MYT1L: variants seen among roughly 807,000 people sequenced by gnomAD.
MYT1L encodes myelin transcription factor 1-like protein.
Under a neutral mutation model 126.7 loss-of-function variants are expected in MYT1L, and 12 were observed. The ratio of observed to expected loss-of-function variants is 0.09; its 90% CI spans 0.06 to 0.15. The LOEUF is 0.15. Ranked by LOEUF, MYT1L falls within the 10% of genes least tolerant of loss-of-function variation. The pLI is 1.00. For synonymous variants in MYT1L, 541 were observed against 604.2 expected, an observed-to-expected ratio of 0.90 and a Z score of 1.53; for missense variants, 979 against 1,585.2, an observed-to-expected ratio of 0.62 and a Z score of 6.49.
intron 3 of MYT1L, among the ~76,000 whole-genome samples, chr2:2,090,778 C>A (rs2076838018): frequency 6.6e-6 from 1 of 152,178 alleles, no homozygotes; most frequent in Admixed American, 6.5e-5. Flanking sequence ...GCTGCTTTAT[C>A]AACTGGGCTT....
intron 23 of MYT1L, among the ~76,000 whole-genome samples, chr2:1,798,420 G>A (rs1341240971): frequency 6.6e-6 from 1 of 152,234 alleles, no homozygotes; most frequent in African/African-American, 2.4e-5. Flanking sequence ...CCTGAGCACT[G>A]ACCCTACCGT....
chr2:2,111,030 G>A (rs1026639553), intron 3 of MYT1L, among the ~76,000 whole-genome samples: 2 of 152,188 alleles, frequency 1.3e-5, no homozygotes, highest in African/African-American at 4.8e-5. Context: ...CGCGGCCCTG[G>A]AGCCATTTCC....
intron 18 of MYT1L, among the ~76,000 whole-genome samples, chr2:1,866,203 G>T (rs539810461): frequency 1.3e-5 from 2 of 152,234 alleles, no homozygotes; most frequent in South Asian, 4.1e-4. Context: ...TGGCCAAGGG[G>T]ATCTTTTTTA....
At chr2:1,942,527 G>A (rs1408489478) in intron 9 of MYT1L, among the ~76,000 whole-genome samples, 1 of 152,210 alleles carries the variant, frequency 6.6e-6, no homozygotes, top group Non-Finnish European at 1.5e-5. Flanking sequence ...CACTTTGCTG[G>A]TTGATGTACC....
At chr2:1,918,174 AT>A (rs1358950465) in intron 10 of MYT1L, among the ~76,000 whole-genome samples, 1 of 152,212 alleles carries the variant, frequency 6.6e-6, no homozygotes, top group Non-Finnish European at 1.5e-5. Flanking sequence ...TTAAAAAAAA[AT>A]TCAATACTAG....
intron 9 of MYT1L, 146 bp from the exon 10 acceptor site, chr2:1,923,409 T>C: frequency 1.4e-6 from 1 of 718,426 alleles, no homozygotes; most frequent in Non-Finnish European, 2.2e-6. Flanking sequence ...CATTTGCAGC[T>C]GGGTTGAAAA....
chr2:2,174,974 C>A (rs1178227177), intron 2 of MYT1L, among the ~76,000 whole-genome samples: 1 of 152,076 alleles, frequency 6.6e-6, no homozygotes, highest in Non-Finnish European at 1.5e-5. Flanking sequence ...TGATATGAAT[C>A]CCCAGGCAGC....
intron 18 of MYT1L, among the ~76,000 whole-genome samples, chr2:1,865,220 T>A (rs1178859841): frequency 6.6e-6 from 1 of 152,084 alleles, no homozygotes; most frequent in Admixed American, 6.5e-5. Context: ...CAGACAAAGG[T>A]GGGACCTGCA....
chr2:2,119,046 T>C (rs2080607223), intron 3 of MYT1L, among the ~76,000 whole-genome samples: 1 of 152,266 alleles, frequency 6.6e-6, no homozygotes, highest in Admixed American at 6.5e-5. Flanking sequence ...AGACAAACAT[T>C]TGAAGATACA....
At chr2:2,276,314 G>A (rs1213725448) in intron 2 of MYT1L, among the ~76,000 whole-genome samples, 1 of 152,090 alleles carries the variant, frequency 6.6e-6, no homozygotes, top group Non-Finnish European at 1.5e-5. Flanking sequence ...ACCAGTCCTC[G>A]CTCAACCAGG....
At chr2:2,192,710 C>T in intron 2 of MYT1L, among the ~76,000 whole-genome samples, 1 of 152,112 alleles carries the variant, frequency 6.6e-6, no homozygotes, top group East Asian at 1.9e-4. Context: ...CTCCACAGTC[C>T]CTCATTGTGA....
At chr2:1,949,991 C>T (rs961966888) in intron 8 of MYT1L, among the ~76,000 whole-genome samples, 1 of 152,156 alleles carries the variant, frequency 6.6e-6, no homozygotes, top group African/African-American at 2.4e-5. Flanking sequence ...CGGTTTTCAA[C>T]CAGCTCAGTT....
chr2:1,801,903 G>T lies in MYT1L; in HGVS notation c.3173-104C>A. ...TCCTTTTATATTCGTAATTGAATTTGCTTGGAAAATAGACTCTTGAATTAG... is the reference window on the plus strand; with the variant it reads ...TCCTTTTATATTCGTAATTGAATTTTCTTGGAAAATAGACTCTTGAATTAG... On this transcript the variant is annotated intron_variant, in intron 22 of 24. Coordinates refer to ENST00000647738, the MANE Select transcript of MYT1L (RefSeq NM_001303052.2). This position sits in a 1 kb window ranked among gnomAD's most constrained non-coding sequence, Gnocchi z 4.2. 3 of 688,102 alleles carry T rather than the reference G, an allele frequency of 4.4e-6. No individual in the cohort carries two copies. The highest frequency in any genetic ancestry group is 4.2e-5 in the South Asian group (2 of 47,486). The allele number at this position is 688,102 out of a possible 1,614,324, so 42.6% of individuals were successfully genotyped here. A position where few individuals can be genotyped will look rare whatever the true frequency, so the allele number is the denominator to read the frequency against.
At chr2:2,196,043 A>G (rs2092784284) in intron 2 of MYT1L, among the ~76,000 whole-genome samples, 1 of 152,130 alleles carries the variant, frequency 6.6e-6, no homozygotes, top group African/African-American at 2.4e-5. Flanking sequence ...CAAGTTCAAC[A>G]AGCAATAGAA....
intron 19 of MYT1L, among the ~76,000 whole-genome samples, chr2:1,847,189 C>T (rs1027843744): frequency 2.6e-5 from 4 of 152,128 alleles, no homozygotes; most frequent in African/African-American, 4.8e-5. Flanking sequence ...TCTCTGTGCC[C>T]GCGCATCTTC....
chr2:1,906,771 C>T (rs942611476), intron 13 of MYT1L, among the ~76,000 whole-genome samples: 2 of 151,968 alleles, frequency 1.3e-5, no homozygotes, highest in Non-Finnish European at 1.5e-5. Context: ...AACCTGTAGG[C>T]CTTGCTTTAA....
chr2:1,839,834 G>T (rs538385395), intron 20 of MYT1L, among the ~76,000 whole-genome samples: 1 of 152,236 alleles, frequency 6.6e-6, no homozygotes, highest in East Asian at 1.9e-4. Flanking sequence ...TTGTCTGGCC[G>T]TATCTTCTGG....
At chr2:2,285,235 T>G (rs7582012) in intron 1 of MYT1L, among the ~76,000 whole-genome samples, 1 of 152,180 alleles carries the variant, frequency 6.6e-6, no homozygotes, top group Non-Finnish European at 1.5e-5. Context: ...GAGTGCATCG[T>G]GAATTGCATT....
At chr2:2,082,436 G>C (rs891389331) in intron 3 of MYT1L, among the ~76,000 whole-genome samples, 2 of 152,208 alleles carry the variant, frequency 1.3e-5, no homozygotes, top group Admixed American at 6.5e-5. Flanking sequence ...AGCAAGTGAT[G>C]CTGTTGTAGG....
Sources: gnomAD v4.1 joint callset for allele counts (sites outside exome capture counted in the v4.1 genomes callset) on GRCh38, gnomAD v4.1.1 for gene constraint, Gnocchi (gnomAD v3.1) non-coding constraint, MANE v1.5 for transcripts, NCBI Gene and HGNC (gene_info 2026-07-23, HGNC 2026-07-21) for gene names.